The following PFKFB3 variants were observed in gnomAD, a reference collection of about 807,000 sequenced individuals.
The protein encoded by PFKFB3 is 6-phosphofructo-2-kinase/fructose-2,6-bisphosphatase 3.
A neutral mutation model predicts 68.0 loss-of-function variants in PFKFB3; 33 were observed. The ratio of observed to expected loss-of-function variants is 0.49; its 90% CI spans 0.37 to 0.65. PFKFB3 has a LOEUF of 0.65. PFKFB3 is among the 30% of genes least tolerant of loss of function. The probability of loss-of-function intolerance (pLI) is 0.00; values close to 1 mark genes in which losing one functional copy is unlikely to be tolerated. For missense variants in PFKFB3, 586 were observed against 712.2 expected, an observed-to-expected ratio of 0.82 and a Z score of 2.02; for synonymous variants, 315 against 288.2, an observed-to-expected ratio of 1.09 and a Z score of -0.94.
intron 1 of PFKFB3, among the ~76,000 whole-genome samples, chr10:6,174,350 AGAGT>A (rs1405617033): frequency 4.6e-5 from 7 of 152,200 alleles, no homozygotes; most frequent in Non-Finnish European, 8.8e-5. Context: ...GGTTCTTAGA[AGAGT>A]CCTCTCTGGT....
At chr10:6,236,344 G>A (rs961311083), downstream of PFKFB3, among the ~76,000 whole-genome samples, 2 of 152,208 alleles carry the variant, frequency 1.3e-5, no homozygotes, top group Non-Finnish European at 1.5e-5. Context: ...AGGGTGGAGC[G>A]TGGCAAACAC....
chr10:6,310,280 G>C, the PFKFB3 span, among the ~76,000 whole-genome samples: 2 of 152,076 alleles, frequency 1.3e-5, no homozygotes, highest in African/African-American at 4.8e-5. Flanking sequence ...TGGAAACTAG[G>C]TCTCGTTGGG....
At chr10:6,303,674 G>A in the PFKFB3 span, among the ~76,000 whole-genome samples, 5 of 151,738 alleles carry the variant, frequency 3.3e-5, no homozygotes, top group East Asian at 1.9e-4. Flanking sequence ...TTAGCCGGGC[G>A]TGGTGGCAGG....
At chr10:6,213,327 C>G (rs1459129255) in intron 1 of PFKFB3, among the ~76,000 whole-genome samples, 1 of 152,110 alleles carries the variant, frequency 6.6e-6, no homozygotes, top group Non-Finnish European at 1.5e-5. Context: ...CGAGACCAGC[C>G]TGGGCAACAC....
downstream of PFKFB3, among the ~76,000 whole-genome samples, chr10:6,258,325 A>G (rs1413981797): frequency 6.6e-6 from 1 of 152,190 alleles, no homozygotes; most frequent in Non-Finnish European, 1.5e-5. Context: ...AGACATTCAG[A>G]TTTTATGAGC....
At chr10:6,206,842 G>GGTCCTCACATCCCAGACGA (rs1564619763) in intron 1 of PFKFB3, among the ~76,000 whole-genome samples, 1 of 14,894 alleles carries the variant, frequency 6.7e-5, no homozygotes, top group Non-Finnish European at 1.5e-4. Context: ...CCCAGACGGG[G>GGTCCTCACATCCCAGACGA]TGGCGGCCGG....
exon 15 of PFKFB3, chr10:6,254,424 C>T: frequency 2.5e-6 from 1 of 398,526 alleles, no homozygotes; most frequent in Non-Finnish European, 4.4e-6. Flanking sequence ...CTCTGAGAAG[C>T]TTCCCTTATG....
the PFKFB3 span, among the ~76,000 whole-genome samples, chr10:6,278,956 G>A: frequency 2.0e-5 from 3 of 152,176 alleles, no homozygotes; most frequent in South Asian, 2.1e-4. Context: ...TCTGTAAAAC[G>A]AGATAGGAAC....
chr10:6,251,925 G>A (rs1179376444), intron 14 of PFKFB3, among the ~76,000 whole-genome samples: 1 of 152,114 alleles, frequency 6.6e-6, no homozygotes, highest in Non-Finnish European at 1.5e-5. Flanking sequence ...CCAAGATTGT[G>A]CCACTGCACT....
At chr10:6,224,375 G>A in intron 13 of PFKFB3, 162 bp downstream of exon 13, 1 of 658,906 alleles carries the variant, frequency 1.5e-6, no homozygotes, top group Non-Finnish European at 2.7e-6. Context: ...GTTCCTGCCT[G>A]TCTGTTCTGT....
intron 13 of PFKFB3, among the ~76,000 whole-genome samples, chr10:6,224,785 G>A (rs534953079): frequency 7.1e-4 from 108 of 152,200 alleles, no homozygotes; most frequent in East Asian, 3.3e-3. Context: ...TGTGCCCAGC[G>A]TCTCTTCTCT....
chr10:6,274,115 G>A, the PFKFB3 span, among the ~76,000 whole-genome samples: 5 of 151,980 alleles, frequency 3.3e-5, no homozygotes, highest in Admixed American at 1.3e-4. Flanking sequence ...GGGGAAGACC[G>A]CTTGAGCCCA....
chr10:6,304,039 A>G, the PFKFB3 span, among the ~76,000 whole-genome samples: 1 of 152,106 alleles, frequency 6.6e-6, no homozygotes, highest in Admixed American at 6.5e-5. Flanking sequence ...CACCATGTGG[A>G]GAAGCCATCA....
intron 1 of PFKFB3, among the ~76,000 whole-genome samples, chr10:6,191,605 G>A (rs1453676090): frequency 1.3e-5 from 2 of 152,212 alleles, no homozygotes; most frequent in African/African-American, 2.4e-5. Flanking sequence ...GGATCCTTAC[G>A]TCCAGGGCTA....
chr10:6,273,173 A>AT, the PFKFB3 span, among the ~76,000 whole-genome samples: 2 of 151,774 alleles, frequency 1.3e-5, no homozygotes, highest in East Asian at 1.9e-4. Flanking sequence ...CGTGCGGCTA[A>AT]TTTTTTTGTA....
chr10:6,310,019 C>CTA, the PFKFB3 span, among the ~76,000 whole-genome samples: 1 of 152,168 alleles, frequency 6.6e-6, no homozygotes, highest in Non-Finnish European at 1.5e-5. Context: ...GCTGTTTTCG[C>CTA]ATAAATCATG....
chr10:6,283,069 G>A, the PFKFB3 span, among the ~76,000 whole-genome samples: 2 of 152,138 alleles, frequency 1.3e-5, no homozygotes, highest in African/African-American at 4.8e-5. Flanking sequence ...AGGTTCAAGC[G>A]ATTCTCCTGC....
intron 1 of PFKFB3, among the ~76,000 whole-genome samples, chr10:6,155,850 A>G (rs970127423): frequency 1.3e-5 from 2 of 152,230 alleles, no homozygotes; most frequent in Admixed American, 6.5e-5. Flanking sequence ...GTGTTTGAAC[A>G]TGGAAAGAAA....
intron 14 of PFKFB3, among the ~76,000 whole-genome samples, chr10:6,244,618 G>T (rs1846214159): frequency 1.3e-5 from 2 of 152,050 alleles, no homozygotes; most frequent in African/African-American, 4.8e-5. Context: ...TAATAAATTA[G>T]TTCTTTTGCA....
Sources: allele counts gnomAD v4.1 joint callset (sites outside exome capture counted in the v4.1 genomes callset), GRCh38; gene constraint gnomAD v4.1.1; transcripts MANE v1.5; gene names NCBI Gene and HGNC (gene_info 2026-07-23, HGNC 2026-07-21).